The following KDM3B variants were observed in gnomAD, a reference collection of about 807,000 sequenced individuals.
The protein encoded by KDM3B is lysine demethylase 3B.
In KDM3B, 10 loss-of-function variants were observed where a neutral mutation model predicts 170.0. That is an observed-to-expected ratio of 0.06 (90% CI 0.04 to 0.10). The LOEUF (loss-of-function observed/expected upper bound fraction) is 0.10, where lower values mean the gene tolerates loss of function less well. KDM3B is among the 10% of genes least tolerant of loss of function. The pLI is 1.00. For missense variants in KDM3B, 1,394 were observed against 2,195.2 expected (o/e 0.64, Z 7.29); for synonymous variants, 831 against 834.8 (o/e 1.00, Z 0.08).
At position 138,391,209 on chromosome 5, in the gene KDM3B, T is replaced by C; in HGVS notation, c.1577T>C (p.Phe526Ser). 4 of 1,614,034 alleles carry C rather than the reference T, an allele frequency of 2.5e-6. No homozygotes were observed. The highest frequency in any genetic ancestry group is 3.4e-6 in the Non-Finnish European group (4 of 1,179,952). ...GACACTGATCTCTCCAAAAACTTGT[T>C]TTTTCAATGCATGTCCCAAACTTTA... ...QKDTDLSKNL[F>S]FQCMSQTLPT... The change falls in exon 8 of 24, where the codon TTT becomes TCT. Residue 526 changes from phenylalanine to serine, a missense_variant. Phe to Ser is a radical substitution (Grantham distance 155, BLOSUM62 -2). This residue lies in a region of KDM3B where 294 missense variants were observed against 311.7 expected (regional missense o/e 0.94). Coordinates refer to ENST00000314358, the MANE Select transcript of KDM3B (RefSeq NM_016604.4). This position sits in a 1 kb window ranked among gnomAD's most constrained non-coding sequence, Gnocchi z 5.0.
chr5:138,359,559 G>C (rs983590326), intron 1 of KDM3B, among the ~76,000 whole-genome samples: 1 of 149,154 alleles, frequency 6.7e-6, no homozygotes, highest in Non-Finnish European at 1.5e-5. Flanking sequence ...CACTCAGCTC[G>C]GCCTCCCAAA....
At chr5:138,416,200 G>A (rs1763099516) in intron 12 of KDM3B, among the ~76,000 whole-genome samples, 1 of 152,198 alleles carries the variant, frequency 6.6e-6, no homozygotes, top group African/African-American at 2.4e-5. Flanking sequence ...TCTTCCAGAA[G>A]TTCTGTATGC....
chr5:138,391,580 A>G lies in KDM3B; in HGVS notation c.1948A>G (p.Ser650Gly), dbSNP rs1306544828. ...FVEKVEHSPF[S>G]SFASQASGSS... is the part of the protein sequence containing the mutation. ...GGAGAAAGTTGAACACAGCCCTTTC[A>G]GTAGTTTTGCATCTCAGGCATCAGG... Residue 650 changes from serine (S) to glycine (G), a missense_variant, in exon 8 of 24, where the codon AGT becomes GGT. This residue lies in a region of KDM3B where 294 missense variants were observed against 311.7 expected (regional missense o/e 0.94). Coordinates refer to ENST00000314358, the MANE Select transcript of KDM3B (RefSeq NM_016604.4). This position sits in a 1 kb window ranked among gnomAD's most constrained non-coding sequence, Gnocchi z 5.0. 62 of 1,614,014 alleles carry G rather than the reference A, an allele frequency of 3.8e-5. No homozygotes were observed. The highest frequency in any genetic ancestry group is 4.2e-5 in the Non-Finnish European group (50 of 1,180,042).
intron 1 of KDM3B, among the ~76,000 whole-genome samples, chr5:138,361,651 G>A (rs376745498): frequency 2.0e-5 from 3 of 152,222 alleles, no homozygotes; most frequent in South Asian, 2.1e-4. Context: ...TCTGGCTTCC[G>A]TTGCTTTGTT....
chr5:138,354,690 C>T (rs1009449446), intron 1 of KDM3B, among the ~76,000 whole-genome samples: 1 of 152,230 alleles, frequency 6.6e-6, no homozygotes, highest in African/African-American at 2.4e-5. Context: ...AATTTTACCA[C>T]TGATCCCACG....
At position 138,372,949 on chromosome 5, in the gene KDM3B, C is replaced by T. The variant is rs73255874; in HGVS notation, c.360+108C>T. The T allele has an allele frequency of 2.8e-3, 2,714 of 966,714 alleles. 44 individuals are homozygous for T. In the African/African-American group the frequency reaches 0.037, roughly 13 times the overall value. 59.9% of individuals were successfully genotyped at this position (966,714 alleles called of 1,614,324 possible). Reference sequence around the variant, plus strand: ...TAAGAACTACATACTTTGTCCTTAACGTACATTTATTCTGAAGTTACTAAT... The same window carrying T: ...TAAGAACTACATACTTTGTCCTTAATGTACATTTATTCTGAAGTTACTAAT... On this transcript the variant is annotated intron_variant, in intron 2 of 23. Transcript: ENST00000314358.
intron 12 of KDM3B, 76 bp from the exon 13 acceptor site, chr5:138,417,407 A>G (rs1580942538): frequency 5.6e-6 from 8 of 1,433,912 alleles, no homozygotes; most frequent in South Asian, 1.2e-5. Flanking sequence ...GAGATAATGT[A>G]AAGAACACTC....
intron 11 of KDM3B, among the ~76,000 whole-genome samples, chr5:138,409,889 A>C (rs1762916548): frequency 6.6e-6 from 1 of 152,212 alleles, no homozygotes; most frequent in African/African-American, 2.4e-5. Flanking sequence ...GGAGTTCGAG[A>C]CCAGCCTGAC....
In KDM3B at chr5:138,415,181, A is replaced by G; in HGVS notation, c.3249A>G (p.Ala1083=). 1 of 1,611,364 alleles carries G rather than the reference A, an allele frequency of 6.2e-7. No homozygotes were observed. Among genetic ancestry groups the G allele is most frequent in the Non-Finnish European group, 8.5e-7 (1 of 1,177,958 alleles). ...DEEVFSWLKC[A]KGQSHEPENL... ...AAGTTTTCTCCTGGTTGAAGTGTGC[A>G]AAGGGACAGTCCCACGAACCAGAGA... is the stretch of plus-strand genomic sequence containing the variant. Residue 1083 remains alanine (A), a synonymous_variant, in exon 12 of 24, where the codon GCA becomes GCG. Transcript: ENST00000314358.
At chr5:138,414,902 A>C (rs1763063955) in intron 11 of KDM3B, among the ~76,000 whole-genome samples, 2 of 152,230 alleles carry the variant, frequency 1.3e-5, no homozygotes, top group Admixed American at 1.3e-4. Context: ...GGTTGCGGTG[A>C]GCCATGATCA....
intron 1 of KDM3B, among the ~76,000 whole-genome samples, chr5:138,360,521 ATTGT>A: frequency 1.4e-5 from 1 of 70,568 alleles, no homozygotes; most frequent in Middle Eastern, 7.6e-3. Context: ...TTAAAAAAAG[ATTGT>A]GTGTGTGTGT....
At position 138,372,809 on chromosome 5, in the gene KDM3B, A is replaced by T. The variant is rs746036333; in HGVS notation, c.328A>T (p.Ile110Phe). The T allele has an allele frequency of 1.9e-4, 313 of 1,614,026 alleles. No individual in the cohort carries two copies. The highest frequency in any genetic ancestry group is 2.6e-4 in the Non-Finnish European group (303 of 1,180,038). ...PREDPVLLQG[I>F]RVSIAQWPAL... ...TGAGGACCCAGTCCTTCTCCAGGGCATTCGAGTCTCCATTGCACAATGGCC... is the reference window on the plus strand; with the variant it reads ...TGAGGACCCAGTCCTTCTCCAGGGCTTTCGAGTCTCCATTGCACAATGGCC... Residue 110 changes from isoleucine to phenylalanine, a missense_variant, in exon 2 of 24, where the codon ATT becomes TTT. Ile to Phe is a conservative substitution (Grantham distance 21). Coordinates refer to ENST00000314358, the MANE Select transcript of KDM3B (RefSeq NM_016604.4).
chr5:138,372,604 A>G, intron 1 of KDM3B, 70 bp from the exon 2 acceptor site: 2 of 1,311,984 alleles, frequency 1.5e-6, no homozygotes, highest in South Asian at 2.7e-5. Flanking sequence ...AGTGGGGTTT[A>G]TGTTCATTTA....
intron 1 of KDM3B, among the ~76,000 whole-genome samples, chr5:138,356,636 C>CTTTTTTTTTTTTT (rs539401228): frequency 2.3e-5 from 2 of 85,992 alleles, no homozygotes; most frequent in African/African-American, 4.9e-5. Flanking sequence ...TGTCTCTTGA[C>CTTTTTTTTTTTTT]TTTTTTTTTT....
At chr5:138,362,581 CACACAAAA>C (rs1405826888) in intron 1 of KDM3B, among the ~76,000 whole-genome samples, 1 of 133,144 alleles carries the variant, frequency 7.5e-6, no homozygotes, top group Non-Finnish European at 1.7e-5. Context: ...CACACACACA[CACACAAAA>C]TATCTTAAGT....
chr5:138,365,106 T>C (rs984750138), intron 1 of KDM3B, among the ~76,000 whole-genome samples: 4 of 152,212 alleles, frequency 2.6e-5, no homozygotes, highest in Non-Finnish European at 4.4e-5. Context: ...AGAGTTTACA[T>C]TTTGTTTGGA....
intron 1 of KDM3B, among the ~76,000 whole-genome samples, chr5:138,369,743 C>G (rs1326711742): frequency 6.6e-6 from 1 of 152,198 alleles, no homozygotes; most frequent in Admixed American, 6.5e-5. Context: ...TGAATACCCA[C>G]CATACCTTAT....
chr5:138,420,715 C>G lies in KDM3B; in HGVS notation c.3725C>G (p.Ser1242Cys). 1 of 1,614,008 alleles carries G rather than the reference C, an allele frequency of 6.2e-7. No homozygotes were observed. Among genetic ancestry groups the G allele is most frequent in the Non-Finnish European group, 8.5e-7 (1 of 1,180,006 alleles). ...KAKEETKEAG[S>C]LRSVLNKESH... ...GGTTATGTTCTTACAGAAGCAGGGT[C>G]CCTGAGGTCGGTGCTCAATAAAGAG... Residue 1242 changes from serine (S) to cysteine (C), a missense_variant, in exon 15 of 24, where the codon TCC (serine) becomes TGC (cysteine). Transcript: ENST00000314358.
At chr5:138,400,788 A>G (rs1762664413) in intron 11 of KDM3B, among the ~76,000 whole-genome samples, 1 of 151,990 alleles carries the variant, frequency 6.6e-6, no homozygotes, top group African/African-American at 2.4e-5. Flanking sequence ...TACAGCCATT[A>G]TCTAATTCCA....
Sources: gnomAD v4.1 joint callset for allele counts (sites outside exome capture counted in the v4.1 genomes callset) on GRCh38, gnomAD v4.1.1 for gene constraint, gnomAD v4.1.1 regional missense constraint, Gnocchi (gnomAD v3.1) non-coding constraint, MANE v1.5 for transcripts, NCBI Gene and HGNC (gene_info 2026-07-23, HGNC 2026-07-21) for gene names.